The following COL21A1 variants were observed in gnomAD, a reference collection of about 807,000 sequenced individuals.
The protein encoded by COL21A1 is collagen type XXI alpha 1 chain, also known as collagen alpha-1(XXI) chain.
Under a neutral mutation model 137.9 loss-of-function variants are expected in COL21A1, and 149 were observed. The observed-to-expected ratio is 1.08, with a 90% CI of 0.95 to 1.24. The LOEUF (loss-of-function observed/expected upper bound fraction) is 1.24, where lower values mean the gene tolerates loss of function less well. Among genes scored for constraint, COL21A1 ranks in the 50% most tolerant of loss-of-function variants. COL21A1 has a pLI of 0.00. For synonymous variants in COL21A1, 456 were observed against 391.5 expected, an observed-to-expected ratio of 1.16 and a Z score of -1.95; for missense variants, 1,167 against 1,158.4, an observed-to-expected ratio of 1.01 and a Z score of -0.11.
chr6:56,073,670 G>C (rs898182150), intron 20 of COL21A1, among the ~76,000 whole-genome samples: 1 of 151,328 alleles, frequency 6.6e-6, no homozygotes, highest in Non-Finnish European at 1.5e-5. Flanking sequence ...GCTAGGAAAT[G>C]GTCAAATAAT....
chr6:56,318,774 C>G (rs1252956743), intron 1 of COL21A1, among the ~76,000 whole-genome samples: 1 of 152,110 alleles, frequency 6.6e-6, no homozygotes, highest in Non-Finnish European at 1.5e-5. Context: ...CCAAAATATG[C>G]TATAAATTTT....
At chr6:56,360,445 C>G (rs1424780434) in intron 1 of COL21A1, among the ~76,000 whole-genome samples, 1 of 152,156 alleles carries the variant, frequency 6.6e-6, no homozygotes, top group Admixed American at 6.6e-5. Flanking sequence ...ATAATAAACA[C>G]TGTGAACCTG....
At chr6:56,220,491 C>T (rs1226529837) in intron 1 of COL21A1, among the ~76,000 whole-genome samples, 4 of 152,228 alleles carry the variant, frequency 2.6e-5, no homozygotes, top group Middle Eastern at 6.8e-3. Context: ...TTCTTAACTG[C>T]TAAAGACTTG....
intron 16 of COL21A1, among the ~76,000 whole-genome samples, chr6:56,105,648 A>G (rs1770821246): frequency 6.6e-6 from 1 of 152,148 alleles, no homozygotes; most frequent in Admixed American, 6.5e-5. Flanking sequence ...GGTTGTTGTT[A>G]TGGCCATGTC....
intron 1 of COL21A1, among the ~76,000 whole-genome samples, chr6:56,227,239 T>A (rs968374467): frequency 2.0e-5 from 3 of 152,000 alleles, no homozygotes; most frequent in Admixed American, 6.6e-5. Flanking sequence ...CAAAAATGAA[T>A]GTGCTGTGTA....
rs367641346 is a variant in COL21A1 at position 56,060,091 on chromosome 6, A to G, written c.2535T>C (p.Pro845=). Reference sequence around the variant, plus strand: ...GAACACCATCTCTTCCTGGCAAACCAGGTAATCCTCTGGGACCCTCTGGGC... The same window carrying G: ...GAACACCATCTCTTCCTGGCAAACCGGGTAATCCTCTGGGACCCTCTGGGC... ...PIGPEGPRGL[P]GLPGRDGVPG... is the part of the protein sequence containing the mutation. The change falls in exon 28 of 30, where the codon CCT becomes CCC. Residue 845 remains proline (P), a synonymous_variant. Coordinates refer to ENST00000244728, the MANE Select transcript of COL21A1 (RefSeq NM_030820.4). The G allele has an allele frequency of 1.5e-5, 24 of 1,610,076 alleles. No individual in the cohort carries two copies. The highest frequency in any genetic ancestry group is 1.9e-5 in the Non-Finnish European group (22 of 1,178,850).
chr6:56,116,911 A>G (rs1358649871), intron 16 of COL21A1, among the ~76,000 whole-genome samples: 1 of 151,974 alleles, frequency 6.6e-6, no homozygotes, highest in East Asian at 1.9e-4. Context: ...GGGTTATAAA[A>G]TAATATCTGT....
At chr6:56,103,478 T>C (rs1381470543) in intron 16 of COL21A1, among the ~76,000 whole-genome samples, 1 of 152,186 alleles carries the variant, frequency 6.6e-6, no homozygotes, top group Non-Finnish European at 1.5e-5. Context: ...GTTTTTGCCA[T>C]TAAAAGTAAT....
chr6:56,250,376 A>G (rs545829160), upstream of COL21A1, among the ~76,000 whole-genome samples: 10 of 152,364 alleles, frequency 6.6e-5, no homozygotes, highest in South Asian at 2.1e-3. Flanking sequence ...TTAGAGAGGC[A>G]TGCTTTGGCT....
chr6:56,065,494 A>G (rs1483405643), intron 23 of COL21A1, among the ~76,000 whole-genome samples: 1 of 152,050 alleles, frequency 6.6e-6, no homozygotes, highest in African/African-American at 2.4e-5. Context: ...TACTGCTGAT[A>G]AGTCTACAAT....
At chr6:56,134,931 G>C (rs540510155) in intron 12 of COL21A1, among the ~76,000 whole-genome samples, 1 of 151,880 alleles carries the variant, frequency 6.6e-6, no homozygotes, top group Admixed American at 6.6e-5. Context: ...TTTGTAAATT[G>C]CCCAGTCTCA....
chr6:56,289,917 C>T (rs1228951680), intron 1 of COL21A1, among the ~76,000 whole-genome samples: 2 of 152,070 alleles, frequency 1.3e-5, no homozygotes, highest in East Asian at 3.9e-4. Flanking sequence ...AGCCACTGGG[C>T]TGGGCAGTTA....
At chr6:56,270,752 A>T (rs775637175) in intron 1 of COL21A1, among the ~76,000 whole-genome samples, 11 of 152,138 alleles carry the variant, frequency 7.2e-5, no homozygotes, top group Non-Finnish European at 1.3e-4. Flanking sequence ...ATAGTGAAGG[A>T]GTTCTCATGA....
intron 3 of COL21A1, among the ~76,000 whole-genome samples, chr6:56,173,369 C>T (rs1205373876): frequency 8.1e-6 from 1 of 123,678 alleles, no homozygotes; most frequent in Non-Finnish European, 1.6e-5. Context: ...CAGAATGAGA[C>T]AAAGGAAAGG....
intron 17 of COL21A1, among the ~76,000 whole-genome samples, chr6:56,091,932 A>AGC: frequency 6.6e-6 from 1 of 152,170 alleles, no homozygotes; most frequent in Non-Finnish European, 1.5e-5. Flanking sequence ...TGTCCTCACC[A>AGC]TCCACCTAGC....
chr6:56,257,608 A>G (rs1426213443), intron 1 of COL21A1, among the ~76,000 whole-genome samples: 1 of 152,176 alleles, frequency 6.6e-6, no homozygotes, highest in Admixed American at 6.5e-5. Flanking sequence ...CCCAAATAGC[A>G]AATATTGTAG....
At chr6:56,258,262 T>A (rs573237491) in intron 1 of COL21A1, among the ~76,000 whole-genome samples, 2 of 152,270 alleles carry the variant, frequency 1.3e-5, no homozygotes, top group African/African-American at 4.8e-5. Context: ...CAGGAGTACA[T>A]ACTTCTTAAA....
chr6:56,224,170 C>A lies in COL21A1; in HGVS notation c.-39+23217G>T, dbSNP rs1781047584. Among the ~76,000 whole-genome samples, 7 of 152,214 alleles carry A rather than the reference C, an allele frequency of 4.6e-5. No individual in the cohort carries two copies. The South Asian group carries it at 1.5e-3, about 32-fold the overall frequency. On this transcript the variant is annotated intron_variant, in intron 1 of 29. Transcript: ENST00000244728. ...ATCTATCTGGGTCCTTCCATATCAC[C>A]CCACGGGGCTTAGGGGAAAAAGCAA...
chr6:56,188,532 T>C (rs1001295732), intron 1 of COL21A1, among the ~76,000 whole-genome samples: 8 of 152,240 alleles, frequency 5.3e-5, no homozygotes, highest in African/African-American at 1.9e-4. Context: ...ACAGAGCACC[T>C]GGGGGAAGGG....
Sources: gnomAD v4.1 joint callset for allele counts (sites outside exome capture counted in the v4.1 genomes callset) on GRCh38, gnomAD v4.1.1 for gene constraint, MANE v1.5 for transcripts, NCBI Gene and HGNC (gene_info 2026-07-23, HGNC 2026-07-21) for gene names.